RAPGEF2: variants seen among roughly 807,000 people sequenced by gnomAD.
RAPGEF2 encodes PDZ domain containing guanine nucleotide exchange factor (GEF) 1.
In RAPGEF2, 54 loss-of-function variants were observed where a neutral mutation model predicts 186.7. The ratio of observed to expected loss-of-function variants is 0.29; its 90% confidence interval spans 0.23 to 0.36. RAPGEF2 has a LOEUF of 0.36. Among genes scored for constraint, RAPGEF2 ranks in the 10% least tolerant of loss-of-function variants. RAPGEF2 has a pLI of 1.00. For missense variants in RAPGEF2, 1,532 were observed against 2,045.0 expected (o/e 0.75, Z 4.84); for synonymous variants, 712 against 705.9 (o/e 1.01, Z -0.14).
At chr4:159,284,226 A>G (rs1760124606) in intron 7 of RAPGEF2, among the ~76,000 whole-genome samples, 1 of 152,086 alleles carries the variant, frequency 6.6e-6, no homozygotes, top group African/African-American at 2.4e-5. Context: ...AAAAGCACCT[A>G]CCTTCGCCTA....
chr4:159,158,639 A>G (rs1744375043), intron 1 of RAPGEF2, among the ~76,000 whole-genome samples: 1 of 152,158 alleles, frequency 6.6e-6, no homozygotes, highest in Non-Finnish European at 1.5e-5. Context: ...GTGGTCGCAA[A>G]CAAAAAAAAA....
intron 7 of RAPGEF2, chr4:159,282,726 T>C (rs1194343925): frequency 7.2e-6 from 3 of 418,826 alleles, no homozygotes; most frequent in African/African-American, 2.1e-5. Flanking sequence ...CTTTATTTGC[T>C]CACAACTTAA....
At chr4:159,204,674 G>C (rs1030237508) in intron 3 of RAPGEF2, among the ~76,000 whole-genome samples, 1 of 152,108 alleles carries the variant, frequency 6.6e-6, no homozygotes, top group East Asian at 1.9e-4. Context: ...AGAGTTTCTC[G>C]TTATAAACCA....
chr4:159,304,405 T>C lies in RAPGEF2; in HGVS notation c.607T>C (p.Ser203Pro). ...TCTCCACCCACAGGTGACCCACGTT[T>C]CTTCTAGCCATTCAGGATGTAGTAT... is the stretch of plus-strand genomic sequence containing the variant. ...DSLHPQVTHV[S>P]SSHSGCSITS... The change falls in exon 8 of 30, where the codon TCT becomes CCT. Residue 203 changes from serine (S) to proline (P), a missense_variant. Transcript: ENST00000691494. The C allele has an allele frequency of 6.2e-7, 1 of 1,602,020 alleles. No homozygotes were observed. Among genetic ancestry groups the C allele is most frequent in the Non-Finnish European group, 8.6e-7 (1 of 1,169,346 alleles).
intron 4 of RAPGEF2, among the ~76,000 whole-genome samples, chr4:159,231,164 C>T (rs1040454339): frequency 9.2e-5 from 14 of 151,982 alleles, no homozygotes; most frequent in African/African-American, 2.7e-4. Flanking sequence ...ATATTCAGTA[C>T]GGTAACATTC....
At chr4:159,331,334 G>T in intron 13 of RAPGEF2, 97 bp from the exon 14 acceptor site, 2 of 651,944 alleles carry the variant, frequency 3.1e-6, no homozygotes, top group East Asian at 2.8e-5. Context: ...ATTATTATTA[G>T]GTAAATTATT....
At chr4:159,341,414 C>A in intron 19 of RAPGEF2, 150 bp from the exon 20 acceptor site, 1 of 741,346 alleles carries the variant, frequency 1.3e-6, no homozygotes, top group Non-Finnish European at 2.1e-6. Flanking sequence ...GAGATAGCAG[C>A]TGTGCTGTCT....
At chr4:159,352,011 C>T (rs1731254745) in intron 26 of RAPGEF2, among the ~76,000 whole-genome samples, 1 of 152,144 alleles carries the variant, frequency 6.6e-6, no homozygotes, top group Non-Finnish European at 1.5e-5. Flanking sequence ...TTTTTAGTAG[C>T]AAAAGAGAGT....
chr4:159,144,677 A>G (rs1214835394), intron 1 of RAPGEF2, among the ~76,000 whole-genome samples: 7 of 152,254 alleles, frequency 4.6e-5, no homozygotes, highest in South Asian at 2.1e-4. Flanking sequence ...TTGGGATGTT[A>G]TTATCTTTTC....
chr4:159,303,494 T>C (rs1317937341), intron 7 of RAPGEF2, among the ~76,000 whole-genome samples: 1 of 152,140 alleles, frequency 6.6e-6, no homozygotes, highest in Non-Finnish European at 1.5e-5. Context: ...TAGACAAATA[T>C]AATGTCTTTT....
chr4:159,166,514 T>C (rs1417192639), intron 1 of RAPGEF2, among the ~76,000 whole-genome samples: 1 of 152,230 alleles, frequency 6.6e-6, no homozygotes, highest in Non-Finnish European at 1.5e-5. Flanking sequence ...GTCTCATTAC[T>C]TTGTTGATCT....
chr4:159,207,227 CT>C (rs1290649827), intron 3 of RAPGEF2, among the ~76,000 whole-genome samples: 1 of 152,158 alleles, frequency 6.6e-6, no homozygotes, highest in Non-Finnish European at 1.5e-5. Context: ...CCTTCACATC[CT>C]CAAATCTTTC....
chr4:159,192,031 C>CGGCCGGGCGCGGTGGCTCACGCCTGT (rs1748177081), intron 2 of RAPGEF2, among the ~76,000 whole-genome samples: 1 of 152,078 alleles, frequency 6.6e-6, no homozygotes, highest in African/African-American at 2.4e-5. Context: ...GAGGCCGAGG[C>CGGCCGGGCGCGGTGGCTCACGCCTGT]AAGAACCCTT....
chr4:159,193,275 T>C lies in RAPGEF2; in HGVS notation c.197+19T>C. On this transcript the variant is annotated intron_variant, in intron 3 of 29. Coordinates refer to ENST00000691494, the MANE Select transcript of RAPGEF2 (RefSeq NM_001394067.2). ...TATACTAGTAGGTGTTTCCTTTTTG[T>C]TTGTACAATGTATCTAATCCAGTGA... 1 of 1,450,084 alleles carries C rather than the reference T, an allele frequency of 6.9e-7. No individual in the cohort carries two copies. Among genetic ancestry groups the C allele is most frequent in the Non-Finnish European group, 9.1e-7 (1 of 1,095,184 alleles). The allele number at this position is 1,450,084 out of a possible 1,614,324, so 89.8% of individuals were successfully genotyped here.
intron 1 of RAPGEF2, 62 bp downstream of exon 1, chr4:159,104,293 C>A: frequency 1.1e-6 from 1 of 914,784 alleles, no homozygotes; most frequent in South Asian, 1.7e-5. Context: ...GCGTCTTCCC[C>A]TGTCCCCCCA....
At position 159,202,688 on chromosome 4, in the gene RAPGEF2, G is replaced by A. The variant is rs144212582; in HGVS notation, c.198-7812G>A. Among the ~76,000 whole-genome samples the A allele has an allele frequency of 5.0e-3, 762 of 152,168 alleles. 5 individuals carry two copies. The highest frequency in any genetic ancestry group is 0.018 in the African/African-American group (737 of 41,510). On this transcript the variant is annotated intron_variant, in intron 3 of 29. Coordinates refer to ENST00000691494, the MANE Select transcript of RAPGEF2 (RefSeq NM_001394067.2). Reference sequence around the variant, plus strand: ...ATGATCTTGGCCCACTGCAACCTCCGCCTCCTGGGTTCAAGCGATTCTCTT... The same window carrying A: ...ATGATCTTGGCCCACTGCAACCTCCACCTCCTGGGTTCAAGCGATTCTCTT...
At chr4:159,131,777 G>A (rs1167802150) in intron 1 of RAPGEF2, among the ~76,000 whole-genome samples, 1 of 151,400 alleles carries the variant, frequency 6.6e-6, no homozygotes, top group African/African-American at 2.4e-5. Context: ...CAGAAACAAA[G>A]ACTTGGCATA....
intron 7 of RAPGEF2, among the ~76,000 whole-genome samples, chr4:159,247,356 G>T (rs1440423979): frequency 6.6e-6 from 1 of 152,046 alleles, no homozygotes; most frequent in Admixed American, 6.5e-5. Flanking sequence ...ACACACCCAG[G>T]GCCCCTACAG....
intron 7 of RAPGEF2, among the ~76,000 whole-genome samples, chr4:159,245,320 G>T (rs576689087): frequency 2.0e-5 from 3 of 152,118 alleles, no homozygotes; most frequent in African/African-American, 7.2e-5. Context: ...ATTGGAGATG[G>T]CTTTCATTAG....
Sources: gnomAD v4.1 joint callset for allele counts (sites outside exome capture counted in the v4.1 genomes callset) on GRCh38, gnomAD v4.1.1 for gene constraint, MANE v1.5 for transcripts, NCBI Gene and HGNC (gene_info 2026-07-23, HGNC 2026-07-21) for gene names.